The following HBP1 variants were observed in gnomAD, a reference collection of about 807,000 sequenced individuals.
HBP1 encodes the protein HMG-box transcription factor 1.
Under a neutral mutation model 62.6 loss-of-function variants are expected in HBP1, and 20 were observed. That is an observed-to-expected ratio of 0.32 (90% confidence interval 0.22 to 0.46). HBP1 has a LOEUF of 0.46. HBP1 is among the 20% of genes least tolerant of loss of function. HBP1 has a pLI of 1.00. For synonymous variants in HBP1, 232 were observed against 206.2 expected (o/e 1.12, Z -1.07); for missense variants, 480 against 611.8 (o/e 0.78, Z 2.27).
chr7:107,182,105 T>G (rs1797135373), intron 2 of HBP1, among the ~76,000 whole-genome samples: 1 of 152,126 alleles, frequency 6.6e-6, no homozygotes, highest in South Asian at 2.1e-4. Context: ...ATAAAATGCC[T>G]TTTTCTTCAT....
Position 107,190,167 on chromosome 7 carries a change from C to T in HBP1, c.923-6C>T. On this transcript the variant is annotated splice_region_variant and splice_polypyrimidine_tract_variant and intron_variant, in intron 7 of 10. Transcript: ENST00000222574. ...TCATCCTTTATGCAACATTGTTTAA[C>T]TTTAGGTTGGTCATCATTTTATCCA... 3.1e-6 allele frequency: 5 copies of T among 1,601,306 alleles called. No homozygotes were observed. The highest frequency in any genetic ancestry group is 4.3e-6 in the Non-Finnish European group (5 of 1,173,600).
chr7:107,187,423 G>A (rs779522630), intron 6 of HBP1, among the ~76,000 whole-genome samples: 11 of 152,204 alleles, frequency 7.2e-5, no homozygotes, highest in South Asian at 2.1e-4. Context: ...TTTCTAAGTC[G>A]ATGAGCAAAA....
intron 1 of HBP1, among the ~76,000 whole-genome samples, chr7:107,178,261 A>C (rs1340049107): frequency 6.6e-6 from 1 of 152,182 alleles, no homozygotes; most frequent in Non-Finnish European, 1.5e-5. Context: ...GTCCCCCTTC[A>C]GTCTACCCTA....
At chr7:107,190,818 G>A (rs1459305897) in intron 8 of HBP1, among the ~76,000 whole-genome samples, 6 of 152,194 alleles carry the variant, frequency 3.9e-5, no homozygotes, top group Non-Finnish European at 7.3e-5. Context: ...GAAAGGCTTA[G>A]AGAGGGAAGT....
chr7:107,199,000 G>A (rs1026033990), intron 9 of HBP1, among the ~76,000 whole-genome samples: 10 of 151,864 alleles, frequency 6.6e-5, no homozygotes, highest in African/African-American at 2.4e-4. Flanking sequence ...GTTTAAATGT[G>A]TCAACCATTA....
intron 1 of HBP1, among the ~76,000 whole-genome samples, chr7:107,172,315 ATAAAT>A (rs1796638294): frequency 6.6e-6 from 1 of 152,180 alleles, no homozygotes; most frequent in Admixed American, 6.5e-5. Flanking sequence ...TACTCGACTG[ATAAAT>A]TATAGAATGA....
chr7:107,196,383 C>G, intron 9 of HBP1: 2 of 492,528 alleles, frequency 4.1e-6, no homozygotes, highest in Non-Finnish European at 7.6e-6. Context: ...ATTATCCTGC[C>G]TCAGCCTCTC....
At chr7:107,171,376 A>AT (rs1323306965) in intron 1 of HBP1, among the ~76,000 whole-genome samples, 1 of 151,706 alleles carries the variant, frequency 6.6e-6, no homozygotes, top group Non-Finnish European at 1.5e-5. Flanking sequence ...GGCCCACTAT[A>AT]TTTTAACTTC....
intron 8 of HBP1, among the ~76,000 whole-genome samples, chr7:107,191,963 A>G (rs918980093): frequency 6.6e-6 from 1 of 152,134 alleles, no homozygotes; most frequent in Non-Finnish European, 1.5e-5. Context: ...AAATTGGGAA[A>G]GGGAAAAGAT....
intron 3 of HBP1, among the ~76,000 whole-genome samples, chr7:107,184,264 G>C (rs1360011170): frequency 6.6e-6 from 1 of 152,020 alleles, no homozygotes; most frequent in Non-Finnish European, 1.5e-5. Flanking sequence ...GGCAGTTTTT[G>C]GGCAAAAGAT....
In HBP1 at chr7:107,186,363, A is replaced by G. The variant is rs1797374744; in HGVS notation, c.543A>G (p.Ala181=). Residue 181 remains alanine (A), a splice_region_variant and synonymous_variant, in exon 5 of 11, where the codon GCA becomes GCG. Transcript: ENST00000222574. ...GTTGATAATATTTTTCTCCATAGGC[A>G]AATAGTGAGTCAGAATCTGGCATTT... ...KEETPVRHER[A]NSESESGIFC... The G allele has an allele frequency of 1.2e-5, 19 of 1,579,420 alleles. No homozygotes were observed. The highest frequency in any genetic ancestry group is 1.7e-5 in the Non-Finnish European group (19 of 1,151,050).
Position 107,187,113 on chromosome 7 carries a change from C to T in HBP1, c.765+432C>T, listed in dbSNP as rs562679296. 1.4e-4 allele frequency among the ~76,000 whole-genome samples: 21 copies of T among 152,036 alleles called. No homozygotes were observed. The East Asian group carries it at 3.9e-3, about 28-fold the overall frequency. On this transcript the variant is annotated intron_variant, in intron 6 of 10. Coordinates refer to ENST00000222574, the MANE Select transcript of HBP1 (RefSeq NM_012257.4). Reference sequence around the variant, plus strand: ...TAAAAATACAAAAAAATTAGCTGGGCGTGGTGGTGGGCGCCTGTAGTCCCA... The same window carrying T: ...TAAAAATACAAAAAAATTAGCTGGGTGTGGTGGTGGGCGCCTGTAGTCCCA...
chr7:107,196,568 A>T, intron 9 of HBP1: 1 of 253,822 alleles, frequency 3.9e-6, no homozygotes, highest in Non-Finnish European at 7.9e-6. Context: ...GTGCCCGGCC[A>T]GGTTGACTTT....
intron 6 of HBP1, among the ~76,000 whole-genome samples, chr7:107,187,288 AAACT>A (rs930037891): frequency 1.3e-5 from 2 of 152,140 alleles, no homozygotes; most frequent in African/African-American, 4.8e-5. Context: ...ATGAATAAAT[AAACT>A]AACCAAAGCC....
In HBP1 at chr7:107,186,607, T is replaced by C; in HGVS notation, c.691T>C (p.Trp231Arg). Residue 231 changes from tryptophan (W) to arginine (R), a missense_variant, in exon 6 of 11, where the codon TGG becomes CGG. By Grantham distance (101) the Trp-to-Arg change is moderately radical. This residue lies in a region of HBP1 where 304 missense variants were observed against 330.9 expected (regional missense o/e 0.92). Coordinates refer to ENST00000222574, the MANE Select transcript of HBP1 (RefSeq NM_012257.4). ...CTTTCATAAGGGAAGCAATAAGGAA[T>C]GGCAAGATGTTGAAGATTTTGCTAG... ...LCFHKGSNKE[W>R]QDVEDFARAE... 1 of 1,613,866 alleles carries C rather than the reference T, an allele frequency of 6.2e-7. No individual in the cohort carries two copies. The highest frequency in any genetic ancestry group is 8.5e-7 in the Non-Finnish European group (1 of 1,179,744).
intron 2 of HBP1, among the ~76,000 whole-genome samples, chr7:107,182,128 G>A (rs1355000305): frequency 6.6e-6 from 1 of 152,082 alleles, no homozygotes; most frequent in Non-Finnish European, 1.5e-5. Flanking sequence ...ACTTGTTAAT[G>A]TAAAAATATC....
At chr7:107,190,627 A>G (rs1234256348) in intron 8 of HBP1, among the ~76,000 whole-genome samples, 1 of 152,222 alleles carries the variant, frequency 6.6e-6, no homozygotes, top group African/African-American at 2.4e-5. Context: ...TTACATTTAA[A>G]AAGTTGTGAT....
At chr7:107,186,316 T>C in intron 4 of HBP1, 45 bp from the exon 5 acceptor site, 3 of 1,132,244 alleles carry the variant, frequency 2.6e-6, no homozygotes, top group Non-Finnish European at 4.0e-6. Flanking sequence ...TTAAAAGGTA[T>C]ATTTTAAAAA....
intron 4 of HBP1, among the ~76,000 whole-genome samples, chr7:107,186,147 C>CTTTTTTT (rs961142033): frequency 5.9e-5 from 8 of 135,144 alleles, no homozygotes; most frequent in African/African-American, 2.2e-4. Flanking sequence ...TTGTGTGTGT[C>CTTTTTTT]TTTTTTTTCT....
Sources: allele counts gnomAD v4.1 joint callset (sites outside exome capture counted in the v4.1 genomes callset), GRCh38; gene constraint gnomAD v4.1.1; regional missense constraint gnomAD v4.1.1; transcripts MANE v1.5; gene names NCBI Gene and HGNC (gene_info 2026-07-23, HGNC 2026-07-21).